EFR3B: variants seen among roughly 807,000 people sequenced by gnomAD.
EFR3B encodes the protein protein EFR3 homolog B.
Under a neutral mutation model 104.7 loss-of-function variants are expected in EFR3B, and 64 were observed. The observed-to-expected ratio is 0.61, with a 90% confidence interval of 0.50 to 0.75. The LOEUF is 0.75. Among genes scored for constraint, EFR3B ranks in the 30% least tolerant of loss-of-function variants. EFR3B has a pLI of 0.00. For synonymous variants in EFR3B, 385 were observed against 417.9 expected, an observed-to-expected ratio of 0.92 and a Z score of 0.96; for missense variants, 750 against 1,078.5, an observed-to-expected ratio of 0.70 and a Z score of 4.27.
intron 1 of EFR3B, among the ~76,000 whole-genome samples, chr2:25,088,986 A>G (rs373290621): frequency 2.6e-5 from 4 of 152,208 alleles, no homozygotes; most frequent in South Asian, 2.1e-4. Flanking sequence ...CCCGCCCACC[A>G]TGGGCCCTGT....
At chr2:25,092,950 A>G in intron 2 of EFR3B, 53 bp from the exon 3 acceptor site, 6 of 1,520,990 alleles carry the variant, frequency 3.9e-6, no homozygotes, top group Non-Finnish European at 5.3e-6. Flanking sequence ...CTAGACTTGA[A>G]CTCGTCTAGC....
chr2:25,135,774 A>T (rs191907572), intron 13 of EFR3B, 135 bp downstream of exon 13: 172 of 1,069,494 alleles, frequency 1.6e-4, no homozygotes, highest in Non-Finnish European at 2.2e-4. Flanking sequence ...AGTATCCCAC[A>T]ATTCAGATAC....
chr2:25,080,915 A>G, intron 1 of EFR3B: 1 of 774,440 alleles, frequency 1.3e-6, no homozygotes, highest in Admixed American at 1.7e-5. Context: ...AATCCACAAT[A>G]TTAGGTGGAA....
At chr2:25,066,393 G>A (rs558445743) in intron 1 of EFR3B, among the ~76,000 whole-genome samples, 2 of 152,028 alleles carry the variant, frequency 1.3e-5, no homozygotes, top group African/African-American at 4.8e-5. Context: ...TTTCACCTTC[G>A]GTCCCCTCCC....
chr2:25,065,858 G>A (rs1205840673), intron 1 of EFR3B, among the ~76,000 whole-genome samples: 1 of 152,126 alleles, frequency 6.6e-6, no homozygotes, highest in Non-Finnish European at 1.5e-5. Flanking sequence ...GGCAGGTGCT[G>A]GGAGGCTCTT....
chr2:25,125,925 C>T (rs891078800), intron 5 of EFR3B, among the ~76,000 whole-genome samples: 1 of 152,112 alleles, frequency 6.6e-6, no homozygotes, highest in African/African-American at 2.4e-5. Context: ...CAGAGCGAGA[C>T]TCCGTCTCAA....
In EFR3B at chr2:25,153,770, C is replaced by CAACCCTGGGCAGGG. The variant is rs1290878803; in HGVS notation, c.2348+10_2348+23dup. Reference sequence around the variant, plus strand: ...TTTGAAATCACCATCCGGTAAGTGACAACCCTGGGCAGGGGACCCTGACCT... The same window carrying CAACCCTGGGCAGGG: ...TTTGAAATCACCATCCGGTAAGTGACAACCCTGGGCAGGGAACCCTGGGCAGGGGACCCTGACCT... On this transcript the variant is annotated intron_variant, in intron 22 of 22. Transcript: ENST00000403714. The CAACCCTGGGCAGGG allele has an allele frequency of 1.9e-6, 3 of 1,551,582 alleles. No homozygotes were observed. Among genetic ancestry groups the CAACCCTGGGCAGGG allele is most frequent in the Non-Finnish European group, 1.7e-6 (2 of 1,147,012 alleles).
chr2:25,124,171 C>T (rs1012012579), intron 5 of EFR3B, among the ~76,000 whole-genome samples: 16 of 152,110 alleles, frequency 1.1e-4, no homozygotes, highest in Non-Finnish European at 2.2e-4. Flanking sequence ...GGGCTGTCCA[C>T]ACACATAGCA....
Position 25,128,960 on chromosome 2 carries a change from C to CAAAA in EFR3B, c.635+666_635+669dup, listed in dbSNP as rs1170505822. On this transcript the variant is annotated intron_variant, in intron 6 of 22. Transcript: ENST00000403714. Reference sequence around the variant, plus strand: ...TGGGCGACGGAGCGAGACTCCGTCTCAAAAAAAAAAAAAAAAAAAAAAAAA... The same window carrying CAAAA: ...TGGGCGACGGAGCGAGACTCCGTCTCAAAAAAAAAAAAAAAAAAAAAAAAAAAAA... 7.2e-3 allele frequency among the ~76,000 whole-genome samples: 192 copies of CAAAA among 26,698 alleles called. 25 individuals are homozygous for CAAAA. Among genetic ancestry groups the CAAAA allele is most frequent in the Non-Finnish European group, 0.011 (162 of 14,542 alleles). 17.5% of individuals were successfully genotyped at this position (26,698 alleles called of 152,430 possible). A position where few individuals can be genotyped will look rare whatever the true frequency, so the allele number is the denominator to read the frequency against.
chr2:25,075,911 C>G (rs1222707394), intron 1 of EFR3B, among the ~76,000 whole-genome samples: 1 of 152,148 alleles, frequency 6.6e-6, no homozygotes, highest in Non-Finnish European at 1.5e-5. Context: ...TAGGGTCTCA[C>G]TCTGTCACTC....
chr2:25,052,496 C>CTTTTTTTT (rs56005417), intron 1 of EFR3B, among the ~76,000 whole-genome samples: 4 of 95,710 alleles, frequency 4.2e-5, no homozygotes, highest in Non-Finnish European at 7.8e-5. Flanking sequence ...AGGCAGAATT[C>CTTTTTTTT]TTTTTTTTTT....
At chr2:25,082,667 T>C (rs1668841564) in intron 1 of EFR3B, among the ~76,000 whole-genome samples, 1 of 152,178 alleles carries the variant, frequency 6.6e-6, no homozygotes, top group South Asian at 2.1e-4. Flanking sequence ...TCCACAAACC[T>C]GTATGAGCAC....
intron 19 of EFR3B, 174 bp downstream of exon 19, chr2:25,145,225 G>A (rs774460931): frequency 3.5e-5 from 22 of 627,034 alleles, no homozygotes; most frequent in African/African-American, 5.5e-5. Flanking sequence ...ACTTCCCTTC[G>A]GAAAAATTGT....
chr2:25,128,085 A>ATCCC (rs1324817192), intron 5 of EFR3B, 98 bp from the exon 6 acceptor site: 1 of 1,390,742 alleles, frequency 7.2e-7, no homozygotes, highest in Non-Finnish European at 9.8e-7. Context: ...GGACAAATGT[A>ATCCC]TCCCTGACTC....
At chr2:25,127,314 G>C (rs181893960) in intron 5 of EFR3B, among the ~76,000 whole-genome samples, 24 of 151,302 alleles carry the variant, frequency 1.6e-4, no homozygotes, top group Admixed American at 1.6e-3. Context: ...TTTATGAAGA[G>C]TTAATGACAT....
At position 25,137,160 on chromosome 2, in the gene EFR3B, C is replaced by T. The variant is rs938906759; in HGVS notation, c.1561-181C>T. 1.3e-5 allele frequency among the ~76,000 whole-genome samples: 2 copies of T among 152,136 alleles called. No individual in the cohort carries two copies. Among genetic ancestry groups the T allele is most frequent in the African/African-American group, 2.4e-5 (1 of 41,430 alleles). On this transcript the variant is annotated intron_variant, in intron 14 of 22. Coordinates refer to ENST00000403714, the MANE Select transcript of EFR3B (RefSeq NM_014971.2). This position sits in a 1 kb window ranked among gnomAD's most constrained non-coding sequence, Gnocchi z 4.7. ...TTTCACTGGAGCCCATCCTTCCCTACGTGAGCCTTCCTGTGTGTGTCTGCT... is the reference window on the plus strand; with the variant it reads ...TTTCACTGGAGCCCATCCTTCCCTATGTGAGCCTTCCTGTGTGTGTCTGCT...
chr2:25,063,844 A>G (rs953069114), intron 1 of EFR3B, among the ~76,000 whole-genome samples: 1 of 152,096 alleles, frequency 6.6e-6, no homozygotes, highest in Non-Finnish European at 1.5e-5. Context: ...CCTCATTTAG[A>G]GCTTTTCAGG....
intron 1 of EFR3B, among the ~76,000 whole-genome samples, chr2:25,056,859 C>G (rs543417055): frequency 6.6e-6 from 1 of 152,148 alleles, no homozygotes; most frequent in Non-Finnish European, 1.5e-5. Context: ...CACTGTCCTT[C>G]TATTTTATCA....
In EFR3B at chr2:25,136,542, G is replaced by A. The variant is rs1433459561; in HGVS notation, c.1504G>A (p.Val502Ile). ...STISTLSDIS[V>I]LKLKVDKCSR... ...TCCCAGTACCCTCAGTGACATCTCT[G>A]TCCTGAAGCTGAAAGTGGACAAGTG... is the stretch of plus-strand genomic sequence containing the variant. The change falls in exon 14 of 23, where the codon GTC (valine) becomes ATC (isoleucine). Residue 502 changes from valine (V) to isoleucine (I), a missense_variant. Transcript: ENST00000403714. The surrounding 1 kb of genome is among the most constrained non-coding windows in gnomAD (Gnocchi z 4.0). The A allele has an allele frequency of 3.2e-6, 5 of 1,551,388 alleles. No individual in the cohort carries two copies. Among genetic ancestry groups the A allele is most frequent in the Admixed American group, 2.0e-5 (1 of 50,970 alleles).
Sources: gnomAD v4.1 joint callset for allele counts (sites outside exome capture counted in the v4.1 genomes callset) on GRCh38, gnomAD v4.1.1 for gene constraint, Gnocchi (gnomAD v3.1) non-coding constraint, MANE v1.5 for transcripts, NCBI Gene and HGNC (gene_info 2026-07-23, HGNC 2026-07-21) for gene names.